CNTN6: variants seen among roughly 807,000 people sequenced by gnomAD.
The protein encoded by CNTN6 is contactin 6, also known as contactin-6.
In CNTN6, 137 loss-of-function variants were observed where a neutral mutation model predicts 122.8. The ratio of observed to expected loss-of-function variants is 1.12; its 90% CI spans 0.97 to 1.29. CNTN6 has a LOEUF of 1.29. CNTN6 is among the 50% of genes most tolerant of loss of function. CNTN6 has a pLI of 0.00. For synonymous variants in CNTN6, 570 were observed against 426.0 expected (o/e 1.34, Z -4.16); for missense variants, 1,634 against 1,223.4 (o/e 1.34, Z -5.01).
intron 1 of CNTN6, among the ~76,000 whole-genome samples, chr3:1,114,173 A>G (rs2091608581): frequency 6.6e-6 from 1 of 152,222 alleles, no homozygotes; most frequent in African/African-American, 2.4e-5. Context: ...AGACTTTGGC[A>G]GAACGGGAGG....
chr3:1,217,897 C>T (rs1469676964), intron 2 of CNTN6, among the ~76,000 whole-genome samples: 2 of 152,214 alleles, frequency 1.3e-5, no homozygotes, highest in Non-Finnish European at 2.9e-5. Flanking sequence ...TCTTTCAAGA[C>T]ATTAAAAAAT....
intron 5 of CNTN6, 141 bp downstream of exon 5, chr3:1,278,649 A>G (rs916106788): frequency 3.1e-5 from 16 of 520,616 alleles, no homozygotes; most frequent in Non-Finnish European, 5.5e-5. Flanking sequence ...ACTGCATACA[A>G]ATAGTTCTAT....
At position 1,107,114 on chromosome 3, in the gene CNTN6, A is replaced by T. The variant is rs376953753; in HGVS notation, c.-83+13994A>T. On this transcript the variant is annotated intron_variant, in intron 1 of 22. Coordinates refer to ENST00000446702, the MANE Select transcript of CNTN6 (RefSeq NM_001289080.2). ...TGACTCAAATGCTAGTTTTATCTGG[A>T]AACACCCTCACAGACACGTCCAAAA... 9.2e-5 allele frequency among the ~76,000 whole-genome samples: 14 copies of T among 152,218 alleles called. No individual in the cohort carries two copies. In the South Asian group the frequency reaches 1.9e-3, roughly 20 times the overall value.
chr3:1,137,601 T>A (rs1466579694), intron 1 of CNTN6, among the ~76,000 whole-genome samples: 1 of 152,192 alleles, frequency 6.6e-6, no homozygotes, highest in African/African-American at 2.4e-5. Context: ...TATCTATTCC[T>A]AGTCAGAGAG....
At chr3:1,385,463 T>C in intron 19 of CNTN6, 148 bp from the exon 20 acceptor site, 1 of 552,718 alleles carries the variant, frequency 1.8e-6, no homozygotes, top group East Asian at 3.1e-5. Context: ...TGTTGTTGTA[T>C]AACCATTTTA....
chr3:1,094,451 C>G (rs1428496534), intron 1 of CNTN6, among the ~76,000 whole-genome samples: 1 of 151,810 alleles, frequency 6.6e-6, no homozygotes, highest in Non-Finnish European at 1.5e-5. Flanking sequence ...CCAAAGATTT[C>G]AAATATATAA....
At chr3:1,243,640 G>C (rs975617266) in intron 4 of CNTN6, among the ~76,000 whole-genome samples, 1 of 152,112 alleles carries the variant, frequency 6.6e-6, no homozygotes, top group Admixed American at 6.6e-5. Flanking sequence ...GAGCCTAAAC[G>C]CTATCTGATT....
In CNTN6 at chr3:1,237,172, A is replaced by G. The variant is rs146748428; in HGVS notation, c.358+9179A>G. 3.5e-3 allele frequency among the ~76,000 whole-genome samples: 535 copies of G among 152,210 alleles called. 4 individuals are homozygous for G. The highest frequency in any genetic ancestry group is 0.012 in the African/African-American group (506 of 41,570). ...ACAGAAAATTAAAGGAAAATTCTTC[A>G]GTGAAATAGATAGTATAAATAAAAA... On this transcript the variant is annotated intron_variant, in intron 4 of 22. Transcript: ENST00000446702.
intron 4 of CNTN6, among the ~76,000 whole-genome samples, chr3:1,262,280 T>G (rs183313663): frequency 2.6e-5 from 4 of 152,136 alleles, no homozygotes; most frequent in African/African-American, 9.7e-5. Flanking sequence ...ATATGCAGTC[T>G]GAGATGTTAT....
intron 4 of CNTN6, among the ~76,000 whole-genome samples, chr3:1,228,537 C>T (rs573744257): frequency 1.3e-5 from 2 of 152,276 alleles, no homozygotes; most frequent in Admixed American, 6.5e-5. Flanking sequence ...CATTTGGGGA[C>T]ATTAGCAGAT....
intron 1 of CNTN6, among the ~76,000 whole-genome samples, chr3:1,130,831 C>A (rs1330224750): frequency 6.6e-6 from 1 of 152,080 alleles, no homozygotes; most frequent in East Asian, 1.9e-4. Context: ...AATGATTTGT[C>A]TTTCTTTAAC....
At chr3:1,115,356 A>G (rs1177526684) in intron 1 of CNTN6, among the ~76,000 whole-genome samples, 1 of 152,194 alleles carries the variant, frequency 6.6e-6, no homozygotes, top group Non-Finnish European at 1.5e-5. Context: ...CTAAGTAATT[A>G]CTGGCATTAT....
At chr3:1,260,776 T>C (rs998178845) in intron 4 of CNTN6, among the ~76,000 whole-genome samples, 11 of 152,020 alleles carry the variant, frequency 7.2e-5, no homozygotes, top group Non-Finnish European at 1.6e-4. Context: ...TTTTGCTTGG[T>C]ACCTCTACCT....
chr3:1,303,421 A>G (rs1697775654), intron 7 of CNTN6, among the ~76,000 whole-genome samples: 1 of 152,148 alleles, frequency 6.6e-6, no homozygotes, highest in Non-Finnish European at 1.5e-5. Context: ...TTTTCTAGCT[A>G]GGGTTAGACT....
chr3:1,228,511 G>A (rs1055520180), intron 4 of CNTN6, among the ~76,000 whole-genome samples: 5 of 152,154 alleles, frequency 3.3e-5, no homozygotes, highest in Non-Finnish European at 7.3e-5. Flanking sequence ...TGTCATCCAA[G>A]TAATTACCCT....
chr3:1,388,789 G>C (rs1274002716), intron 20 of CNTN6, among the ~76,000 whole-genome samples: 6 of 149,810 alleles, frequency 4.0e-5, no homozygotes, highest in African/African-American at 9.9e-5. Flanking sequence ...GAGCCGATGT[G>C]ATCAACTGGA....
At chr3:1,295,573 T>C (rs751717566) in intron 5 of CNTN6, 28 bp from the exon 6 acceptor site, 1 of 1,581,654 alleles carries the variant, frequency 6.3e-7, no homozygotes, top group Non-Finnish European at 8.7e-7. Flanking sequence ...TGGTTTTGTT[T>C]TGTTTTGTTT....
chr3:1,166,891 G>C (rs1199501764), intron 2 of CNTN6, among the ~76,000 whole-genome samples: 2 of 152,020 alleles, frequency 1.3e-5, no homozygotes, highest in African/African-American at 4.8e-5. Flanking sequence ...TTGGGGAGTT[G>C]GGAGCAAGGG....
chr3:1,135,885 G>A (rs766247202), intron 1 of CNTN6, among the ~76,000 whole-genome samples: 7 of 152,014 alleles, frequency 4.6e-5, no homozygotes, highest in Admixed American at 1.3e-4. Flanking sequence ...CCAGCTACTC[G>A]GGAGGCTAAG....
Sources: gnomAD v4.1 joint callset for allele counts (sites outside exome capture counted in the v4.1 genomes callset) on GRCh38, gnomAD v4.1.1 for gene constraint, MANE v1.5 for transcripts, NCBI Gene and HGNC (gene_info 2026-07-23, HGNC 2026-07-21) for gene names.